ASB18: variants seen among roughly 807,000 people sequenced by gnomAD.
The protein encoded by ASB18 is ankyrin repeat and SOCS box containing 18.
A neutral mutation model predicts 33.4 loss-of-function variants in ASB18; 33 were observed. The observed-to-expected ratio is 0.99, with a 90% CI of 0.75 to 1.32. ASB18 has a LOEUF of 1.32. Ranked by LOEUF, ASB18 falls within the 40% of genes most tolerant of loss-of-function variation. The pLI, the probability that ASB18 is intolerant of heterozygous loss-of-function variation, is 0.00. For missense variants in ASB18, 694 were observed against 655.5 expected, an observed-to-expected ratio of 1.06 and a Z score of -0.64; for synonymous variants, 295 against 307.6, an observed-to-expected ratio of 0.96 and a Z score of 0.43.
chr2:236,207,096 G>C (rs2060437993), intron 4 of ASB18, among the ~76,000 whole-genome samples: 1 of 152,220 alleles, frequency 6.6e-6, no homozygotes, highest in South Asian at 2.1e-4. Flanking sequence ...AGTCCGACTA[G>C]AAGCCAGCTG....
In ASB18 at chr2:236,241,533, G is replaced by A. The variant is rs373956248; in HGVS notation, c.206-131C>T. On this transcript the variant is annotated intron_variant, in intron 1 of 5. Transcript: ENST00000409749. The surrounding 1 kb of genome is among the most constrained non-coding windows in gnomAD (Gnocchi z 4.2). ...GCTGTCTCTCCATTGAGATGCCGTCGATTTCAGAAGAGTTCTTCAGGAACG... is the reference window on the plus strand; with the variant it reads ...GCTGTCTCTCCATTGAGATGCCGTCAATTTCAGAAGAGTTCTTCAGGAACG... 3.5e-4 allele frequency: 346 copies of A among 994,388 alleles called. 2 individuals are homozygous for A. The South Asian group carries it at 4.4e-3, about 13-fold the overall frequency. The allele number at this position is 994,388 out of a possible 1,614,324, so 61.6% of individuals were successfully genotyped here.
chr2:236,210,433 G>A (rs955658528), intron 4 of ASB18: 1 of 152,204 alleles, frequency 6.6e-6, no homozygotes, highest in African/African-American at 2.4e-5. Flanking sequence ...CTGCATCTAT[G>A]AGTTTCTCAT....
At chr2:236,247,230 T>A (rs1276398247) in intron 1 of ASB18, 1 of 141,458 alleles carries the variant, frequency 7.1e-6, no homozygotes, top group Non-Finnish European at 1.6e-5. Context: ...GAGAGCTGTC[T>A]TTTTTTTTTT....
chr2:236,236,576 G>T (rs1481922029), intron 3 of ASB18, among the ~76,000 whole-genome samples: 1 of 152,110 alleles, frequency 6.6e-6, no homozygotes, highest in Non-Finnish European at 1.5e-5. Context: ...CTAGAACCTT[G>T]TTTCCTTCCT....
In ASB18 at chr2:236,196,417, G is replaced by T. The variant is rs941943250; in HGVS notation, c.1102-32C>A. On this transcript the variant is annotated intron_variant, in intron 4 of 5. Transcript: ENST00000409749. The surrounding 1 kb of genome is among the most constrained non-coding windows in gnomAD (Gnocchi z 5.6). Reference sequence around the variant, plus strand: ...GGAAGAGGTGAAAGACGCAGCGTAGGCCGACTGGGTTCTGGGTCTCAGTGG... The same window carrying T: ...GGAAGAGGTGAAAGACGCAGCGTAGTCCGACTGGGTTCTGGGTCTCAGTGG... 10 of 1,288,498 alleles carry T rather than the reference G, an allele frequency of 7.8e-6. No homozygotes were observed. The Admixed American group carries it at 9.9e-5, about 13-fold the overall frequency. The allele number at this position is 1,288,498 out of a possible 1,614,324, so 79.8% of individuals were successfully genotyped here.
At chr2:236,202,777 C>CAAAAAAAAAA (rs34973734) in intron 4 of ASB18, among the ~76,000 whole-genome samples, 8 of 68,724 alleles carry the variant, frequency 1.2e-4, no homozygotes, top group African/African-American at 2.2e-4. Context: ...GACTCCGTCT[C>CAAAAAAAAAA]AAAAAAAAAA....
intron 4 of ASB18, among the ~76,000 whole-genome samples, chr2:236,197,066 A>T (rs1421215524): frequency 1.3e-5 from 2 of 151,376 alleles, no homozygotes; most frequent in Non-Finnish European, 2.9e-5. Flanking sequence ...ACTCCCATGT[A>T]TCCCCGCCCC....
Position 236,259,906 on chromosome 2 carries a change from C to T in ASB18, c.205+4235G>A, listed in dbSNP as rs2060710322. ...TTCTGCCTGCACCAAGGTGGGGGCA[C>T]ATGTTCACCTGAGGGACTTCTCCAG... On this transcript the variant is annotated intron_variant, in intron 1 of 5. Coordinates refer to ENST00000409749, the MANE Select transcript of ASB18 (RefSeq NM_212556.4). The surrounding 1 kb of genome is among the most constrained non-coding windows in gnomAD (Gnocchi z 4.4). Among the ~76,000 whole-genome samples the T allele has an allele frequency of 1.3e-5, 2 of 152,362 alleles. No homozygotes were observed. The highest frequency in any genetic ancestry group is 4.1e-4 in the South Asian group (2 of 4,828).
In ASB18 at chr2:236,228,755, C is replaced by T. The variant is rs552003025; in HGVS notation, c.596+8934G>A. On this transcript the variant is annotated intron_variant, in intron 3 of 5. Coordinates refer to ENST00000409749, the MANE Select transcript of ASB18 (RefSeq NM_212556.4). This position sits in a 1 kb window ranked among gnomAD's most constrained non-coding sequence, Gnocchi z 5.1. ...GAGAGAGTACCAAAAAGAGTTGTCTCAGTAGCAGAAAAAAAAATTAACCTT... is the reference window on the plus strand; with the variant it reads ...GAGAGAGTACCAAAAAGAGTTGTCTTAGTAGCAGAAAAAAAAATTAACCTT... Among the ~76,000 whole-genome samples, 18 of 151,894 alleles carry T rather than the reference C, an allele frequency of 1.2e-4. No homozygotes were observed. Among genetic ancestry groups the T allele is most frequent in the Admixed American group, 6.6e-4 (10 of 15,248 alleles).
Position 236,226,479 on chromosome 2 carries a change from T to A in ASB18, c.596+11210A>T, listed in dbSNP as rs1045398897. Among the ~76,000 whole-genome samples the A allele has an allele frequency of 6.6e-6, 1 of 152,218 alleles. No individual in the cohort carries two copies. The highest frequency in any genetic ancestry group is 1.5e-5 in the Non-Finnish European group (1 of 68,038). ...GGAAGACAGAAGAAGAGAGATTTTT[T>A]AAATCCCCACTTTAATAAAAAGACA... On this transcript the variant is annotated intron_variant, in intron 3 of 5. Coordinates refer to ENST00000409749, the MANE Select transcript of ASB18 (RefSeq NM_212556.4). The surrounding 1 kb of genome is among the most constrained non-coding windows in gnomAD (Gnocchi z 4.8).
At chr2:236,227,616 T>G (rs2060546582) in intron 3 of ASB18, among the ~76,000 whole-genome samples, 1 of 152,258 alleles carries the variant, frequency 6.6e-6, no homozygotes, top group South Asian at 2.1e-4. Flanking sequence ...AAAATATCTA[T>G]GTGTAGATAT....
Position 236,237,067 on chromosome 2 carries a change from C to T in ASB18, c.596+622G>A, listed in dbSNP as rs988623743. Among the ~76,000 whole-genome samples the T allele has an allele frequency of 5.3e-5, 8 of 152,030 alleles. No homozygotes were observed. Among genetic ancestry groups the T allele is most frequent in the African/African-American group, 1.7e-4 (7 of 41,426 alleles). ...GACCCCGCGCCCGGGCGCGAACTAG[C>T]TGAGCGGCCGCTGGGCCTCCCTAGA... On this transcript the variant is annotated intron_variant, in intron 3 of 5. Transcript: ENST00000409749. The surrounding 1 kb of genome is among the most constrained non-coding windows in gnomAD (Gnocchi z 6.2).
At position 236,222,307 on chromosome 2, in the gene ASB18, T is replaced by C. The variant is rs542812798; in HGVS notation, c.597-7441A>G. ...GAAATGGCTGATGTGAATAGACAAATCCTTCAGGGTAGGAGGGCGACTGAG... is the reference window on the plus strand; with the variant it reads ...GAAATGGCTGATGTGAATAGACAAACCCTTCAGGGTAGGAGGGCGACTGAG... On this transcript the variant is annotated intron_variant, in intron 3 of 5. Transcript: ENST00000409749. The surrounding 1 kb of genome is among the most constrained non-coding windows in gnomAD (Gnocchi z 5.5). Among the ~76,000 whole-genome samples the C allele has an allele frequency of 6.6e-6, 1 of 152,274 alleles. No individual in the cohort carries two copies. Among genetic ancestry groups the C allele is most frequent in the East Asian group, 1.9e-4 (1 of 5,172 alleles).
chr2:236,193,778 CAAACAAAA>C lies in ASB18; in HGVS notation c.*1086_*1093del, dbSNP rs1264008323. On this transcript the variant is annotated 3_prime_UTR_variant, in exon 6 of 6. Transcript: ENST00000409749. This position sits in a 1 kb window ranked among gnomAD's most constrained non-coding sequence, Gnocchi z 5.0. ...GCCAGTCTCAAAACAAACAAACAAA[CAAACAAAA>C]AAACAAAAAAGAAACAAGACTGATT... Among the ~76,000 whole-genome samples, 400 of 150,522 alleles carry C rather than the reference CAAACAAAA, an allele frequency of 2.7e-3. 3 individuals carry two copies. The highest frequency in any genetic ancestry group is 9.3e-3 in the African/African-American group (384 of 41,266).
rs1452015681 is a variant in ASB18, at chr2:236,208,523, A to C, written c.1101+5839T>G. ...ACTGGCCCTGTCACTTCTCTGCAAA[A>C]TGTTAAATGGCTCCCAGGGACTGCA... On this transcript the variant is annotated intron_variant, in intron 4 of 5. Transcript: ENST00000409749. This position sits in a 1 kb window ranked among gnomAD's most constrained non-coding sequence, Gnocchi z 7.7. 6.6e-6 allele frequency among the ~76,000 whole-genome samples: 1 copy of C among 152,010 alleles called. No homozygotes were observed. Among genetic ancestry groups the C allele is most frequent in the Non-Finnish European group, 1.5e-5 (1 of 68,010 alleles).
In ASB18 at chr2:236,194,260, T is replaced by C. The variant is rs1163951393; in HGVS notation, c.*612A>G. 3.3e-5 allele frequency among the ~76,000 whole-genome samples: 5 copies of C among 152,180 alleles called. No homozygotes were observed. Among genetic ancestry groups the C allele is most frequent in the African/African-American group, 1.2e-4 (5 of 41,444 alleles). Reference sequence around the variant, plus strand: ...CTGACAAGGTTCGTTTTGCAAACATTTATTCCTTGATCTAACCCACCAGCA... The same window carrying C: ...CTGACAAGGTTCGTTTTGCAAACATCTATTCCTTGATCTAACCCACCAGCA... On this transcript the variant is annotated 3_prime_UTR_variant, in exon 6 of 6. Coordinates refer to ENST00000409749, the MANE Select transcript of ASB18 (RefSeq NM_212556.4). The surrounding 1 kb of genome is among the most constrained non-coding windows in gnomAD (Gnocchi z 4.5).
rs767178712 is a variant in ASB18 at position 236,215,966 on chromosome 2, C to T, written c.597-1100G>A. ...ATGGAGACCTGAGCCCTGGACCTCTCGTTTCTCTCTACCCTTCCTGGCTTC... is the reference window on the plus strand; with the variant it reads ...ATGGAGACCTGAGCCCTGGACCTCTTGTTTCTCTCTACCCTTCCTGGCTTC... On this transcript the variant is annotated intron_variant, in intron 3 of 5. Coordinates refer to ENST00000409749, the MANE Select transcript of ASB18 (RefSeq NM_212556.4). The surrounding 1 kb of genome is among the most constrained non-coding windows in gnomAD (Gnocchi z 7.2). 2.6e-5 allele frequency among the ~76,000 whole-genome samples: 4 copies of T among 152,164 alleles called. No homozygotes were observed. Among genetic ancestry groups the T allele is most frequent in the Non-Finnish European group, 5.9e-5 (4 of 68,030 alleles).
In ASB18 at chr2:236,194,834, C is replaced by T. The variant is rs554099328; in HGVS notation, c.*38G>A. ...ACACACGGCCTCCATGGAAGGTCAG[C>T]GAGGAGAACAACAGTATTGGTTGCA... On this transcript the variant is annotated 3_prime_UTR_variant, in exon 6 of 6. Coordinates refer to ENST00000409749, the MANE Select transcript of ASB18 (RefSeq NM_212556.4). This position sits in a 1 kb window ranked among gnomAD's most constrained non-coding sequence, Gnocchi z 4.5. The T allele has an allele frequency of 3.8e-6, 6 of 1,560,206 alleles. No individual in the cohort carries two copies. The highest frequency in any genetic ancestry group is 2.4e-5 in the South Asian group (2 of 84,198).
chr2:236,242,224 C>A (rs1337102431), intron 1 of ASB18, among the ~76,000 whole-genome samples: 1 of 152,164 alleles, frequency 6.6e-6, no homozygotes, highest in Non-Finnish European at 1.5e-5. Flanking sequence ...CATCCTCTGT[C>A]CCCCACGCCA....
Sources: allele counts gnomAD v4.1 joint callset (sites outside exome capture counted in the v4.1 genomes callset), GRCh38; gene constraint gnomAD v4.1.1; non-coding constraint Gnocchi (gnomAD v3.1); transcripts MANE v1.5; gene names NCBI Gene and HGNC (gene_info 2026-07-23, HGNC 2026-07-21).